RERE: variants seen among roughly 807,000 people sequenced by gnomAD.
The protein encoded by RERE is arginine-glutamic acid dipeptide repeats protein.
In RERE, 40 loss-of-function variants were observed where a neutral mutation model predicts 146.1. The ratio of observed to expected loss-of-function variants is 0.27; its 90% CI spans 0.21 to 0.36. The LOEUF (loss-of-function observed/expected upper bound fraction) is 0.36, where lower values mean the gene tolerates loss of function less well. Ranked by LOEUF, RERE falls within the 10% of genes least tolerant of loss-of-function variation. RERE has a pLI of 1.00. For synonymous variants in RERE, 1,003 were observed against 866.0 expected (o/e 1.16, Z -2.78); for missense variants, 1,933 against 2,138.7 (o/e 0.90, Z 1.90).
intron 1 of RERE, among the ~76,000 whole-genome samples, chr1:8,690,891 TTTTA>T (rs1024061329): frequency 2.0e-5 from 3 of 152,006 alleles, no homozygotes; most frequent in East Asian, 1.9e-4. Context: ...TATTTTTTAT[TTTTA>T]TTTATTTATT....
intron 1 of RERE, among the ~76,000 whole-genome samples, chr1:8,669,601 A>G (rs1638667836): frequency 6.6e-6 from 1 of 152,146 alleles, no homozygotes; most frequent in Middle Eastern, 3.2e-3. Flanking sequence ...GAGAAAAACC[A>G]CCTTTTAAAG....
chr1:8,530,890 AC>A (rs1298750887), intron 7 of RERE, among the ~76,000 whole-genome samples: 1 of 150,186 alleles, frequency 6.7e-6, no homozygotes, highest in Non-Finnish European at 1.5e-5. Flanking sequence ...ACGGGGTTTC[AC>A]CTTGTTAGCC....
chr1:8,674,305 T>C (rs1638785472), intron 1 of RERE, among the ~76,000 whole-genome samples: 1 of 152,148 alleles, frequency 6.6e-6, no homozygotes, highest in African/African-American at 2.4e-5. Context: ...TTTATGGACC[T>C]GGACATTATC....
intron 11 of RERE, among the ~76,000 whole-genome samples, chr1:8,441,507 G>T (rs997732858): frequency 1.4e-4 from 21 of 152,198 alleles, no homozygotes; most frequent in Non-Finnish European, 2.9e-4. Context: ...CTGACACAGT[G>T]CCTAGCTCTG....
chr1:8,746,922 G>A (rs1364111604), intron 1 of RERE, among the ~76,000 whole-genome samples: 1 of 150,738 alleles, frequency 6.6e-6, no homozygotes, highest in African/African-American at 2.4e-5. Flanking sequence ...GAGAGAGACA[G>A]AGCCAGACAG....
intron 6 of RERE, among the ~76,000 whole-genome samples, chr1:8,554,411 G>C (rs1645979061): frequency 1.3e-5 from 2 of 152,008 alleles, no homozygotes; most frequent in South Asian, 4.1e-4. Flanking sequence ...ATTTGGCTGA[G>C]TGCGGTGGTT....
intron 4 of RERE, among the ~76,000 whole-genome samples, chr1:8,602,676 T>C: frequency 6.6e-6 from 1 of 152,146 alleles, no homozygotes; most frequent in East Asian, 1.9e-4. Context: ...GTCACTTCCG[T>C]TTTAAAAAAC....
At chr1:8,566,525 C>A (rs1013884556) in intron 4 of RERE, among the ~76,000 whole-genome samples, 18 of 151,926 alleles carry the variant, frequency 1.2e-4, no homozygotes, top group Admixed American at 1.1e-3. Context: ...GAGGCTGAGG[C>A]AGAGAATTGC....
At chr1:8,676,297 T>C (rs1362131809) in intron 1 of RERE, among the ~76,000 whole-genome samples, 1 of 152,196 alleles carries the variant, frequency 6.6e-6, no homozygotes, top group Non-Finnish European at 1.5e-5. Flanking sequence ...CACATCAATA[T>C]GTGCCTTATC....
chr1:8,444,353 C>T (rs1261818839), intron 11 of RERE, among the ~76,000 whole-genome samples: 2 of 152,154 alleles, frequency 1.3e-5, no homozygotes, highest in African/African-American at 4.8e-5. Context: ...TTATCCAATG[C>T]CTATACCCGC....
intron 1 of RERE, among the ~76,000 whole-genome samples, chr1:8,667,117 A>T (rs1339334028): frequency 2.6e-5 from 4 of 152,168 alleles, no homozygotes; most frequent in African/African-American, 9.7e-5. Context: ...TGGGGAAACA[A>T]CTGAGAGAAC....
At chr1:8,637,695 G>A (rs981947860) in intron 2 of RERE, among the ~76,000 whole-genome samples, 12 of 152,156 alleles carry the variant, frequency 7.9e-5, no homozygotes, top group Admixed American at 7.2e-4. Context: ...ACCCTTCAAA[G>A]ATTATACAAA....
At chr1:8,639,958 T>C (rs994171125) in intron 2 of RERE, among the ~76,000 whole-genome samples, 1 of 152,050 alleles carries the variant, frequency 6.6e-6, no homozygotes, top group African/African-American at 2.4e-5. Flanking sequence ...GCTTTACAAA[T>C]AGAGCCCAAA....
intron 8 of RERE, among the ~76,000 whole-genome samples, chr1:8,505,223 GA>G: frequency 6.6e-6 from 1 of 152,152 alleles, no homozygotes. Context: ...AAAATATAAA[GA>G]AAGAGAGAAA....
At chr1:8,525,779 A>G in intron 7 of RERE, 1 of 1,599,748 alleles carries the variant, frequency 6.3e-7, no homozygotes, top group Non-Finnish European at 8.5e-7. Context: ...TGAATGGATC[A>G]TCCATGACTA....
At chr1:8,754,008 C>G (rs1640588501) in intron 1 of RERE, among the ~76,000 whole-genome samples, 1 of 152,124 alleles carries the variant, frequency 6.6e-6, no homozygotes, top group African/African-American at 2.4e-5. Context: ...TAATCATATA[C>G]CCCTAATTCT....
At chr1:8,717,645 C>T (rs961605010) in intron 1 of RERE, among the ~76,000 whole-genome samples, 2 of 152,186 alleles carry the variant, frequency 1.3e-5, no homozygotes, top group Non-Finnish European at 2.9e-5. Context: ...ATTTCATTTG[C>T]AATCTGTTAA....
chr1:8,446,921 C>T lies in RERE; in HGVS notation c.1203+19004G>A, dbSNP rs558251704. ...GTCTCAATCTCCTGACCTCGTGATC[C>T]GCCCGCCTCGGCCTCCCAAAGTGCT... On this transcript the variant is annotated intron_variant, in intron 11 of 22. Coordinates refer to ENST00000400908, the MANE Select transcript of RERE (RefSeq NM_001042681.2). Among the ~76,000 whole-genome samples, 32 of 151,996 alleles carry T rather than the reference C, an allele frequency of 2.1e-4. No homozygotes were observed. The East Asian group carries it at 4.9e-3, about 23-fold the overall frequency.
intron 11 of RERE, among the ~76,000 whole-genome samples, chr1:8,436,373 A>G (rs1420806187): frequency 6.6e-6 from 1 of 152,122 alleles, no homozygotes; most frequent in African/African-American, 2.4e-5. Context: ...CAGAATCCAA[A>G]TGGGCATGGG....
Sources: gnomAD v4.1 joint callset for allele counts (sites outside exome capture counted in the v4.1 genomes callset) on GRCh38, gnomAD v4.1.1 for gene constraint, MANE v1.5 for transcripts, NCBI Gene and HGNC (gene_info 2026-07-23, HGNC 2026-07-21) for gene names.